Variants in CFAP61 observed in about 807,000 individuals in gnomAD.
CFAP61 encodes the protein cilia and flagella associated protein 61.
A neutral mutation model predicts 135.6 loss-of-function variants in CFAP61; 107 were observed. The observed-to-expected ratio is 0.79, with a 90% CI of 0.67 to 0.93. The LOEUF is 0.93. Among genes scored for constraint, CFAP61 ranks in the 40% least tolerant of loss-of-function variants. The pLI is 0.00. For missense variants in CFAP61, 1,507 were observed against 1,556.2 expected (o/e 0.97, Z 0.53); for synonymous variants, 575 against 578.5 (o/e 0.99, Z 0.09).
intron 17 of CFAP61, among the ~76,000 whole-genome samples, chr20:20,211,573 G>T (rs947593774): frequency 2.0e-5 from 3 of 152,138 alleles, no homozygotes; most frequent in African/African-American, 7.2e-5. Flanking sequence ...TTTTTTTACT[G>T]CCACTTTGAG....
At chr20:20,111,573 T>A (rs895593496) in intron 8 of CFAP61, among the ~76,000 whole-genome samples, 2 of 152,212 alleles carry the variant, frequency 1.3e-5, no homozygotes, top group African/African-American at 4.8e-5. Flanking sequence ...TCCTTGGTCA[T>A]AACCAGTTAT....
chr20:20,262,959 C>G lies in CFAP61; in HGVS notation c.2332C>G (p.Pro778Ala). 1 of 1,608,852 alleles carries G rather than the reference C, an allele frequency of 6.2e-7. No homozygotes were observed. Among genetic ancestry groups the G allele is most frequent in the Non-Finnish European group, 8.5e-7 (1 of 1,176,888 alleles). Residue 778 changes from proline to alanine, a missense_variant, in exon 21 of 27, where the codon CCA becomes GCA. By Grantham distance (27) the Pro-to-Ala change is conservative (BLOSUM62 -1). Transcript: ENST00000245957. ...ILCTGQQYQV[P>A]CPTEADISQH... ...GCATTTCTCTAACATGCTTCAGGTC[C>G]CATGCCCTACAGAGGCTGATATTAG...
intron 10 of CFAP61, among the ~76,000 whole-genome samples, chr20:20,161,903 G>A (rs1183541914): frequency 3.8e-5 from 1 of 26,216 alleles, no homozygotes; most frequent in Non-Finnish European, 1.3e-4. Context: ...GCCAGGCCTT[G>A]TATTAAGTTT....
intron 25 of CFAP61, among the ~76,000 whole-genome samples, chr20:20,304,823 C>G (rs1308916433): frequency 6.6e-6 from 1 of 151,978 alleles, no homozygotes; most frequent in Non-Finnish European, 1.5e-5. Context: ...TGTCAGGTAC[C>G]CGAACACCCC....
intron 13 of CFAP61, among the ~76,000 whole-genome samples, chr20:20,181,394 T>C (rs2146851825): frequency 6.6e-6 from 1 of 151,798 alleles, no homozygotes; most frequent in East Asian, 1.9e-4. Context: ...TTCTACTTTA[T>C]TGTGTGTGTG....
Position 20,288,662 on chromosome 20 carries a change from CAAT to C in CFAP61, c.2851_2853del (p.Asn951del). The C allele has an allele frequency of 6.2e-7, 1 of 1,614,110 alleles. No individual in the cohort carries two copies. Among genetic ancestry groups the C allele is most frequent in the Non-Finnish European group, 8.5e-7 (1 of 1,179,962 alleles). On this transcript the variant is annotated inframe_deletion, in exon 23 of 27. Transcript: ENST00000245957. Reference sequence around the variant, plus strand: ...TGGATTATGAAACGTTTAAAGCCCTCAATGATGCATGTCTTGTGTATGACAGTC... The same window carrying C: ...TGGATTATGAAACGTTTAAAGCCCTCGATGCATGTCTTGTGTATGACAGTC...
At chr20:20,175,494 G>GT (rs1425048160) in intron 13 of CFAP61, among the ~76,000 whole-genome samples, 9 of 1,968 alleles carry the variant, frequency 4.6e-3, no homozygotes, top group African/African-American at 0.014. Flanking sequence ...TTTTGTTTTT[G>GT]TTTTGTTTTG....
At chr20:20,355,419 G>A (rs1226509065) in intron 26 of CFAP61, among the ~76,000 whole-genome samples, 2 of 49,910 alleles carry the variant, frequency 4.0e-5, no homozygotes, top group Non-Finnish European at 9.3e-5. Context: ...AGGGGAGGTG[G>A]TCACACTGAG....
chr20:20,112,277 T>G (rs1410026643), intron 8 of CFAP61, among the ~76,000 whole-genome samples: 1 of 152,120 alleles, frequency 6.6e-6, no homozygotes, highest in Non-Finnish European at 1.5e-5. Flanking sequence ...CCAGCACACA[T>G]CATAGCGTGG....
chr20:20,357,492 C>CTG (rs1398725550), intron 26 of CFAP61, among the ~76,000 whole-genome samples: 7 of 31,752 alleles, frequency 2.2e-4, no homozygotes, highest in Non-Finnish European at 4.0e-4. Context: ...GGTGGTCACA[C>CTG]TGAGGGGAGG....
intron 7 of CFAP61, among the ~76,000 whole-genome samples, chr20:20,094,985 A>G (rs2047462365): frequency 6.6e-6 from 1 of 152,212 alleles, no homozygotes; most frequent in Admixed American, 6.5e-5. Context: ...GGAACTCTGC[A>G]AACTGCTTGT....
intron 25 of CFAP61, among the ~76,000 whole-genome samples, chr20:20,307,388 G>C (rs2056539593): frequency 1.3e-5 from 2 of 152,152 alleles, no homozygotes; most frequent in Non-Finnish European, 2.9e-5. Flanking sequence ...TATGTTGATG[G>C]ACAGTAAAGT....
intron 19 of CFAP61, among the ~76,000 whole-genome samples, chr20:20,247,357 G>C (rs1027937235): frequency 6.6e-6 from 1 of 152,218 alleles, no homozygotes; most frequent in African/African-American, 2.4e-5. Context: ...TACCGAGGGG[G>C]CTTTCTGCAG....
intron 21 of CFAP61, among the ~76,000 whole-genome samples, chr20:20,269,642 G>A (rs2053187189): frequency 6.6e-6 from 1 of 152,156 alleles, no homozygotes; most frequent in Non-Finnish European, 1.5e-5. Flanking sequence ...GAAGTGCTGG[G>A]ATTACAGGCA....
At chr20:20,191,283 T>C in intron 14 of CFAP61, 59 bp from the exon 15 acceptor site, 1 of 1,435,032 alleles carries the variant, frequency 7.0e-7, no homozygotes, top group Non-Finnish European at 9.8e-7. Flanking sequence ...GTTGCCTGCT[T>C]ACAAAAACAT....
At chr20:20,175,650 C>T (rs965483349) in intron 13 of CFAP61, among the ~76,000 whole-genome samples, 8 of 152,042 alleles carry the variant, frequency 5.3e-5, no homozygotes, top group Admixed American at 2.6e-4. Flanking sequence ...CCTCAGCCTC[C>T]CGAGTAGCTG....
At chr20:20,310,663 A>G (rs758876877) in intron 25 of CFAP61, among the ~76,000 whole-genome samples, 8 of 152,168 alleles carry the variant, frequency 5.3e-5, no homozygotes, top group Non-Finnish European at 1.0e-4. Flanking sequence ...GGCTCCGCAG[A>G]CCTAGCCAAT....
intron 17 of CFAP61, among the ~76,000 whole-genome samples, chr20:20,208,537 G>A (rs889655917): frequency 3.9e-5 from 6 of 152,176 alleles, no homozygotes; most frequent in Non-Finnish European, 2.9e-5. Context: ...CTTCCACTTA[G>A]CATCTATATA....
intron 8 of CFAP61, among the ~76,000 whole-genome samples, chr20:20,125,567 T>C (rs1183956146): frequency 1.3e-5 from 2 of 151,838 alleles, no homozygotes; most frequent in African/African-American, 4.9e-5. Context: ...TTTATTCCAC[T>C]GTGGTCTGAG....
Sources: gnomAD v4.1 joint callset for allele counts (sites outside exome capture counted in the v4.1 genomes callset) on GRCh38, gnomAD v4.1.1 for gene constraint, MANE v1.5 for transcripts, NCBI Gene and HGNC (gene_info 2026-07-23, HGNC 2026-07-21) for gene names.